ASTN2: variants seen among roughly 807,000 people sequenced by gnomAD.
ASTN2 encodes astrotactin-2.
ASTN2 carries 54 observed loss-of-function variants against 139.8 expected under a neutral mutation model. The observed-to-expected ratio is 0.39, with a 90% CI of 0.31 to 0.48. ASTN2 has a LOEUF of 0.48. ASTN2 is among the 20% of genes least tolerant of loss of function. The probability of loss-of-function intolerance (pLI) is 0.95; values close to 1 mark genes in which losing one functional copy is unlikely to be tolerated. For missense variants in ASTN2, 1,565 were observed against 1,725.1 expected (o/e 0.91, Z 1.64); for synonymous variants, 756 against 719.5 (o/e 1.05, Z -0.81).
At chr9:116,808,376 CA>C (rs1831084941) in intron 12 of ASTN2, among the ~76,000 whole-genome samples, 1 of 151,944 alleles carries the variant, frequency 6.6e-6, no homozygotes, top group African/African-American at 2.4e-5. Context: ...TATATAAACA[CA>C]CATATGCACA....
intron 13 of ASTN2, among the ~76,000 whole-genome samples, chr9:116,745,864 G>A (rs1829219447): frequency 6.6e-6 from 1 of 152,142 alleles, no homozygotes; most frequent in African/African-American, 2.4e-5. Context: ...TCATCACAAA[G>A]TTAGAGGCTC....
chr9:117,306,997 G>A (rs1835016906), intron 1 of ASTN2, among the ~76,000 whole-genome samples: 1 of 152,168 alleles, frequency 6.6e-6, no homozygotes, highest in Non-Finnish European at 1.5e-5. Context: ...CATTGGGAGT[G>A]AGGACCAAGT....
chr9:117,152,323 G>A (rs986287271), intron 3 of ASTN2, among the ~76,000 whole-genome samples: 4 of 152,028 alleles, frequency 2.6e-5, no homozygotes, highest in South Asian at 2.1e-4. Context: ...GTAACCGATC[G>A]CCTTTGACTC....
At chr9:117,260,328 C>T (rs1833791934) in intron 2 of ASTN2, among the ~76,000 whole-genome samples, 1 of 152,132 alleles carries the variant, frequency 6.6e-6, no homozygotes, top group Non-Finnish European at 1.5e-5. Context: ...GAACTGGGAA[C>T]CACTGTTATT....
intron 10 of ASTN2, among the ~76,000 whole-genome samples, chr9:116,864,574 G>A (rs910938771): frequency 7.2e-5 from 11 of 152,140 alleles, no homozygotes; most frequent in Non-Finnish European, 7.4e-5. Context: ...GAAAGGGCCC[G>A]AAATAAGAGA....
chr9:117,139,692 C>T (rs1830029010), intron 4 of ASTN2, among the ~76,000 whole-genome samples: 1 of 152,144 alleles, frequency 6.6e-6, no homozygotes, highest in Admixed American at 6.5e-5. Flanking sequence ...CAATCCCTAC[C>T]TTCAAATAAC....
rs73656835 is a variant in ASTN2, at chr9:116,425,704, A to T, written c.*147T>A. The stretch of plus-strand genomic sequence containing the variant: ...GTCTCTGTCCACTATCCACAGGAGA[A>T]ACCGTTTGCTTTGGCCTTGCTGGCA... On this transcript the variant is annotated 3_prime_UTR_variant, in exon 23 of 23. Coordinates refer to ENST00000313400, the MANE Select transcript of ASTN2 (RefSeq NM_001365068.1). The T allele has an allele frequency of 4.7e-5, 75 of 1,607,538 alleles. 1 individual carries two copies. In the African/African-American group the frequency reaches 9.5e-4, roughly 20 times the overall value.
chr9:116,939,410 A>G (rs1011199961), intron 10 of ASTN2, among the ~76,000 whole-genome samples: 6 of 152,218 alleles, frequency 3.9e-5, no homozygotes, highest in Middle Eastern at 3.4e-3. Context: ...AAAATTTATT[A>G]TTATTATCAT....
chr9:116,508,726 T>C (rs189876397), intron 19 of ASTN2, among the ~76,000 whole-genome samples: 124 of 152,324 alleles, frequency 8.1e-4, no homozygotes, highest in East Asian at 2.3e-3. Flanking sequence ...GCAGAATTAC[T>C]ATAAAGATCT....
chr9:117,296,383 T>G (rs1834738687), intron 1 of ASTN2, among the ~76,000 whole-genome samples: 1 of 152,072 alleles, frequency 6.6e-6, no homozygotes, highest in Admixed American at 6.5e-5. Context: ...TGTGTACATT[T>G]TATTCAGAAC....
intron 16 of ASTN2, among the ~76,000 whole-genome samples, chr9:116,683,428 A>G (rs1860010853): frequency 6.6e-6 from 1 of 152,198 alleles, no homozygotes. Flanking sequence ...TTCCTAGTCA[A>G]TTGCAGCTTT....
chr9:117,061,796 T>A (rs1057310693), intron 5 of ASTN2, among the ~76,000 whole-genome samples: 8 of 152,064 alleles, frequency 5.3e-5, no homozygotes, highest in African/African-American at 1.9e-4. Flanking sequence ...CTTCAAAGAC[T>A]TTCTAATCCT....
At chr9:117,297,402 A>G (rs983217691) in intron 1 of ASTN2, among the ~76,000 whole-genome samples, 1 of 152,202 alleles carries the variant, frequency 6.6e-6, no homozygotes, top group African/African-American at 2.4e-5. Context: ...GAGCCTGGGA[A>G]ATAATCGCAA....
intron 3 of ASTN2, among the ~76,000 whole-genome samples, chr9:117,144,321 G>A (rs537743847): frequency 4.6e-5 from 7 of 152,074 alleles, no homozygotes; most frequent in Middle Eastern, 3.2e-3. Flanking sequence ...TCCCTAATCC[G>A]AAAATCTGAA....
At chr9:116,637,374 C>T (rs1808556195) in intron 17 of ASTN2, among the ~76,000 whole-genome samples, 1 of 152,190 alleles carries the variant, frequency 6.6e-6, no homozygotes, top group African/African-American at 2.4e-5. Flanking sequence ...CTTACATGAA[C>T]TATCTCTTAA....
intron 2 of ASTN2, among the ~76,000 whole-genome samples, chr9:117,233,209 C>T (rs1832948423): frequency 6.6e-6 from 1 of 152,130 alleles, no homozygotes; most frequent in South Asian, 2.1e-4. Flanking sequence ...GGGAGGAGGC[C>T]CTGCTTCCAA....
At chr9:116,970,736 C>T (rs1241297359) in intron 10 of ASTN2, among the ~76,000 whole-genome samples, 1 of 152,190 alleles carries the variant, frequency 6.6e-6, no homozygotes, top group African/African-American at 2.4e-5. Flanking sequence ...GCCATGCCAG[C>T]TTGCACTCTG....
chr9:117,284,277 G>A (rs1470940796), intron 2 of ASTN2, among the ~76,000 whole-genome samples: 2 of 152,052 alleles, frequency 1.3e-5, no homozygotes, highest in African/African-American at 2.4e-5. Context: ...CTAATTTTTT[G>A]TATTTTTGCT....
chr9:117,285,720 C>T (rs574003644), intron 2 of ASTN2, among the ~76,000 whole-genome samples: 3 of 152,164 alleles, frequency 2.0e-5, no homozygotes, highest in Non-Finnish European at 2.9e-5. Context: ...CTTCTTGATT[C>T]GGCCTACTCC....
Sources: gnomAD v4.1 joint callset for allele counts (sites outside exome capture counted in the v4.1 genomes callset) on GRCh38, gnomAD v4.1.1 for gene constraint, MANE v1.5 for transcripts, NCBI Gene and HGNC (gene_info 2026-07-23, HGNC 2026-07-21) for gene names.